The following STARD8 variants were observed in gnomAD, a reference collection of about 807,000 sequenced individuals.
The protein encoded by STARD8 is stAR-related lipid transfer protein 8.
STARD8 carries 25 observed loss-of-function variants against 69.4 expected under a neutral mutation model. That is an observed-to-expected ratio of 0.36 (90% confidence interval 0.26 to 0.50). The LOEUF (loss-of-function observed/expected upper bound fraction) is 0.50, where lower values mean the gene tolerates loss of function less well. STARD8 is among the 20% of genes least tolerant of loss of function. The pLI, the probability that STARD8 is intolerant of heterozygous loss-of-function variation, is 0.96. For missense variants in STARD8, 921 were observed against 932.5 expected (o/e 0.99, Z 0.16); for synonymous variants, 389 against 374.6 (o/e 1.04, Z -0.45).
Position 68,717,212 on chromosome X carries a change from A to G in STARD8, c.298A>G (p.Asn100Asp), listed in dbSNP as rs1467571104. The change falls in exon 6 of 15, where the codon AAT becomes GAT. Residue 100 changes from asparagine to aspartate, a missense_variant and splice_region_variant. Coordinates refer to ENST00000374599, the MANE Select transcript of STARD8 (RefSeq NM_001142503.3). ...KLEVHFQSKQNEDSEEEEQCT... is the reference protein window; with the variant it reads ...KLEVHFQSKQDEDSEEEEQCT... The stretch of plus-strand genomic sequence containing the variant: ...CCTGATCCTGCAGTGCCTTTCCCAG[A>G]ATGAAGACTCAGAAGAGGAAGAGCA... 1.0e-5 allele frequency: 12 copies of G among 1,184,835 alleles called. No individual in the cohort carries two copies. Among genetic ancestry groups the G allele is most frequent in the Admixed American group, 4.6e-5 (2 of 43,144 alleles).
intron 1 of STARD8, chrX:68,656,505 G>T (rs2079611375): frequency 8.9e-6 from 1 of 111,890 alleles, no homozygotes; most frequent in Non-Finnish European, 1.9e-5. Flanking sequence ...CCATTACTGG[G>T]TATATACCCA....
chrX:68,649,511 T>G (rs990566528), intron 1 of STARD8, among the ~76,000 whole-genome samples: 3 of 110,493 alleles, frequency 2.7e-5, no homozygotes, highest in African/African-American at 9.9e-5. Context: ...GATAATGTCG[T>G]GCAGTGTTCA....
chrX:68,651,773 G>A (rs1239181997), intron 1 of STARD8, among the ~76,000 whole-genome samples: 1 of 110,006 alleles, frequency 9.1e-6, no homozygotes, highest in East Asian at 2.8e-4. Context: ...AGTCTTCTCC[G>A]AGCCTCAATT....
chrX:68,696,666 G>C (rs964203803), intron 2 of STARD8, among the ~76,000 whole-genome samples: 2 of 111,522 alleles, frequency 1.8e-5, no homozygotes, highest in South Asian at 7.5e-4. Flanking sequence ...CTCCGACTCT[G>C]GGTTTCTCCT....
intron 2 of STARD8, among the ~76,000 whole-genome samples, chrX:68,684,816 G>A (rs1393925356): frequency 8.9e-6 from 1 of 112,705 alleles, no homozygotes; most frequent in African/African-American, 3.2e-5. Flanking sequence ...GTGGAAGGAG[G>A]AGCAGAGTCA....
chrX:68,723,113 C>G (rs2147941803), intron 12 of STARD8, among the ~76,000 whole-genome samples: 1 of 112,787 alleles, frequency 8.9e-6, no homozygotes, highest in East Asian at 2.8e-4. Context: ...CTGTTCCCCT[C>G]TGGGCACTGG....
Position 68,717,920 on chromosome X carries a change from TGGGGCTGTGAGGGGCGCC to T in STARD8, c.1013_1030del (p.Cys338_Gly343del), listed in dbSNP as rs978470208. ...GGCAGACTGGCAGCCAGGTAGGCGG[TGGGGCTGTGAGGGGCGCC>T]GGGGCTCCTGTGGCTCAACGGGCAG... On this transcript the variant is annotated inframe_deletion, in exon 6 of 15. Coordinates refer to ENST00000374599, the MANE Select transcript of STARD8 (RefSeq NM_001142503.3). 2 of 1,206,275 alleles carry T rather than the reference TGGGGCTGTGAGGGGCGCC, an allele frequency of 1.7e-6. No homozygotes were observed. The highest frequency in any genetic ancestry group is 3.5e-5 in the African/African-American group (2 of 57,064).
chrX:68,665,627 GAGCCAAC>G, intron 2 of STARD8, 95 bp downstream of exon 2: 2 of 961,895 alleles, frequency 2.1e-6, no homozygotes, highest in Non-Finnish European at 2.9e-6. Flanking sequence ...CTGGGCAGCA[GAGCCAAC>G]GGCCGAGATG....
At chrX:68,716,456 T>C (rs1414697938) in intron 5 of STARD8, 25 bp downstream of exon 5, 1 of 1,196,839 alleles carries the variant, frequency 8.4e-7, no homozygotes, top group South Asian at 1.8e-5. Flanking sequence ...AGCGTGGGTC[T>C]GTGGTCTTGT....
intron 1 of STARD8, among the ~76,000 whole-genome samples, chrX:68,653,312 C>A (rs1198944599): frequency 1.3e-4 from 3 of 23,659 alleles, no homozygotes; most frequent in Non-Finnish European, 2.7e-4. Flanking sequence ...CACACCACAC[C>A]ACACACCACA....
At chrX:68,680,820 C>T (rs919598998) in intron 2 of STARD8, among the ~76,000 whole-genome samples, 3 of 110,675 alleles carry the variant, frequency 2.7e-5, no homozygotes, top group African/African-American at 9.9e-5. Flanking sequence ...CCTGAGTGGC[C>T]TACGTGATAC....
At chrX:68,655,566 A>G (rs1369058709) in intron 1 of STARD8, among the ~76,000 whole-genome samples, 1 of 112,192 alleles carries the variant, frequency 8.9e-6, no homozygotes, top group African/African-American at 3.2e-5. Context: ...TGCTGGACAT[A>G]TGCTGTGTAA....
At chrX:68,711,499 C>T (rs1354484192) in intron 2 of STARD8, among the ~76,000 whole-genome samples, 1 of 111,719 alleles carries the variant, frequency 9.0e-6, no homozygotes, top group Non-Finnish European at 1.9e-5. Flanking sequence ...CCCCATTTGC[C>T]CCCAAAACCT....
intron 2 of STARD8, among the ~76,000 whole-genome samples, chrX:68,711,287 ACAGAGAGAGAAAGAGAGG>A (rs763688072): frequency 0.012 from 1,319 of 111,509 alleles, 29 homozygotes; most frequent in African/African-American, 0.041. Flanking sequence ...AGACAGAGAG[ACAGAGAGAGAAAGAGAGG>A]CAGATGCATG....
chrX:68,676,632 A>T (rs1047038357), intron 2 of STARD8, among the ~76,000 whole-genome samples: 1 of 111,526 alleles, frequency 9.0e-6, no homozygotes, highest in Non-Finnish European at 1.9e-5. Context: ...ATCATACTGT[A>T]TATCTGTCTT....
chrX:68,724,026 G>C lies in STARD8; in HGVS notation c.3099G>C (p.Ser1033=). 8.3e-7 allele frequency: 1 copy of C among 1,211,902 alleles called. No individual in the cohort carries two copies. Among genetic ancestry groups the C allele is most frequent in the Non-Finnish European group, 1.1e-6 (1 of 895,526 alleles). The change falls in exon 14 of 15, where the codon TCG becomes TCC. Residue 1033 remains serine (S), a synonymous_variant. Coordinates refer to ENST00000374599, the MANE Select transcript of STARD8 (RefSeq NM_001142503.3). ...ATCCGGAACAACCTGTGCCAGAGTC[G>C]GGTGTGCGAGCCCTCATGCTCACAT... ...SLDPEQPVPE[S]GVRALMLTSQ...
intron 2 of STARD8, among the ~76,000 whole-genome samples, chrX:68,684,723 G>T (rs2147895681): frequency 8.9e-6 from 1 of 112,869 alleles, no homozygotes; most frequent in South Asian, 3.6e-4. Flanking sequence ...AGGCCAGAGG[G>T]TGCTGGGAGA....
At chrX:68,677,936 TG>T (rs1459798105) in intron 2 of STARD8, among the ~76,000 whole-genome samples, 1 of 104,584 alleles carries the variant, frequency 9.6e-6, no homozygotes, top group African/African-American at 3.5e-5. Flanking sequence ...GATGTAAAAC[TG>T]TTGGAAATTA....
intron 2 of STARD8, among the ~76,000 whole-genome samples, chrX:68,670,275 C>T (rs1429264546): frequency 1.8e-5 from 2 of 111,642 alleles, no homozygotes; most frequent in African/African-American, 6.5e-5. Flanking sequence ...TCCTTGTCTG[C>T]AAAATGAGAA....
Sources: gnomAD v4.1 joint callset for allele counts (sites outside exome capture counted in the v4.1 genomes callset) on GRCh38, gnomAD v4.1.1 for gene constraint, MANE v1.5 for transcripts, NCBI Gene and HGNC (gene_info 2026-07-23, HGNC 2026-07-21) for gene names.